Variants in CRACR2B observed in about 807,000 individuals in gnomAD.
CRACR2B encodes EF-hand calcium-binding domain-containing protein 4A.
Under a neutral mutation model 46.0 loss-of-function variants are expected in CRACR2B, and 50 were observed. The ratio of observed to expected loss-of-function variants is 1.09; its 90% CI spans 0.87 to 1.38. CRACR2B has a LOEUF of 1.38. CRACR2B is among the 40% of genes most tolerant of loss of function. CRACR2B has a pLI of 0.00. For synonymous variants in CRACR2B, 277 were observed against 239.6 expected (o/e 1.16, Z -1.44); for missense variants, 667 against 535.0 (o/e 1.25, Z -2.43).
rs758616740 is a variant in CRACR2B at position 828,889 on chromosome 11, T to G, written c.203T>G (p.Leu68Arg). The G allele has an allele frequency of 6.2e-7, 1 of 1,610,030 alleles. No individual in the cohort carries two copies. Among genetic ancestry groups the G allele is most frequent in the Non-Finnish European group, 8.5e-7 (1 of 1,179,898 alleles). Residue 68 changes from leucine (L) to arginine (R), a missense_variant, in exon 2 of 9, where the codon CTG (leucine) becomes CGG (arginine). Leu to Arg is a moderately radical substitution (Grantham distance 102). Transcript: ENST00000525077. ...GACCTGCCCCTCACGCCAGAGCAGC[T>G]GGAGGCTGTGTTTGAAAGTCTGGAC... ...QSDLPLTPEQ[L>R]EAVFESLDRA...
In CRACR2B at chr11:829,979, C is replaced by T. The variant is rs1846256669; in HGVS notation, c.459-7C>T. On this transcript the variant is annotated splice_polypyrimidine_tract_variant and splice_region_variant and intron_variant, in intron 3 of 8. Transcript: ENST00000525077. ...AGCTCCAGCCTCAGTTCCCGCCCGC[C>T]CTCCAGGCAGCGGGCTGTGAGGACG... is the stretch of plus-strand genomic sequence containing the variant. 2 of 1,562,006 alleles carry T rather than the reference C, an allele frequency of 1.3e-6. No individual in the cohort carries two copies. The highest frequency in any genetic ancestry group is 1.2e-5 in the South Asian group (1 of 86,410).
At chr11:827,507 G>C (rs968691998), upstream of CRACR2B, 4 of 982,514 alleles carry the variant, frequency 4.1e-6, no homozygotes, top group Admixed American at 6.1e-5. Flanking sequence ...CAGGAGGCTG[G>C]CCGCCCCACC....
rs1452930121 is a variant in CRACR2B, at chr11:830,251, C to A, written c.607C>A (p.Arg203Ser). ...CCGGGGTCGCCCGGTCCCCCGAAGG[C>A]GCGAGAGCGAGCACGAGAGGGAGGT... Reference protein sequence around the residue: ...RDGLEQALRRRESEHEREVRA... With the variant: ...RDGLEQALRRSESEHEREVRA... Residue 203 changes from arginine (R) to serine (S), a missense_variant and splice_region_variant, in exon 5 of 9, where the codon CGC becomes AGC. Arg to Ser is a moderately radical substitution (Grantham distance 110). Coordinates refer to ENST00000525077, the MANE Select transcript of CRACR2B (RefSeq NM_001286606.2). The A allele has an allele frequency of 3.3e-6, 5 of 1,510,964 alleles. No individual in the cohort carries two copies. In the Admixed American group the frequency reaches 6.2e-5, roughly 19 times the overall value. 93.6% of individuals were successfully genotyped at this position (1,510,964 alleles called of 1,614,324 possible).
Position 831,969 on chromosome 11 carries a change from T to G in CRACR2B, c.*260T>G, listed in dbSNP as rs1846490472. 1 of 487,122 alleles carries G rather than the reference T, an allele frequency of 2.1e-6. No individual in the cohort carries two copies. Among genetic ancestry groups the G allele is most frequent in the African/African-American group, 2.0e-5 (1 of 49,060 alleles). 30.2% of individuals were successfully genotyped at this position (487,122 alleles called of 1,614,324 possible). A position where few individuals can be genotyped will look rare whatever the true frequency, so the allele number is the denominator to read the frequency against. On this transcript the variant is annotated 3_prime_UTR_variant, in exon 9 of 9. Transcript: ENST00000525077. Reference sequence around the variant, plus strand: ...TTCAGCAGAAAACCCCCTCGTCAAATAAAACCCACTGACTGCACTGCGTCC... The same window carrying G: ...TTCAGCAGAAAACCCCCTCGTCAAAGAAAACCCACTGACTGCACTGCGTCC...
rs776097114 is a variant in CRACR2B, at chr11:828,595, G to GC, written c.-8dup. 9.5e-6 allele frequency: 15 copies of GC among 1,574,630 alleles called. No individual in the cohort carries two copies. The African/African-American group carries it at 1.2e-4, about 13-fold the overall frequency. On this transcript the variant is annotated 5_prime_UTR_variant, in exon 1 of 9. Transcript: ENST00000525077. ...CACAGCACCTGAAGGCCAGGCTGAG[G>GC]CCCCCTGCTCTCATGGCCAGCCCTG... is the stretch of plus-strand genomic sequence containing the variant.
Position 828,668 on chromosome 11 carries a change from G to A in CRACR2B, c.61G>A (p.Gly21Arg). 1.2e-6 allele frequency: 2 copies of A among 1,608,906 alleles called. No homozygotes were observed. Among genetic ancestry groups the A allele is most frequent in the Non-Finnish European group, 1.7e-6 (2 of 1,178,600 alleles). Residue 21 changes from glycine to arginine, a missense_variant, in exon 1 of 9, where the codon GGG becomes AGG. Physicochemically the swap from Gly to Arg is moderately radical, Grantham distance 125. Transcript: ENST00000525077. ...EAQEEEGELE[G>R]GSAGPRAAIL... ...CCAGGAGGAGGAGGGGGAACTCGAG[G>A]GGGGCTCTGCAGGGCCGCGGGCTGC...
chr11:831,703 C>T lies in CRACR2B; in HGVS notation c.1194C>T (p.Ala398=). ...PRRGSGHLPS[A]R is the part of the protein sequence containing the mutation. ...GCGGCTCTGGCCACCTTCCCAGTGC[C>T]CGGTGACCAGCCCCGAGTGACTCAC... The change falls in exon 9 of 9, where the codon GCC becomes GCT. Residue 398 remains alanine, a synonymous_variant. Transcript: ENST00000525077. 2 of 1,507,546 alleles carry T rather than the reference C, an allele frequency of 1.3e-6. No individual in the cohort carries two copies. The highest frequency in any genetic ancestry group is 2.5e-5 in the South Asian group (2 of 80,896). 93.4% of individuals were successfully genotyped at this position (1,507,546 alleles called of 1,614,324 possible). A position where few individuals can be genotyped will look rare whatever the true frequency, so the allele number is the denominator to read the frequency against.
At chr11:829,938 G>A (rs1329863549) in intron 3 of CRACR2B, 48 bp from the exon 4 acceptor site, 2 of 1,532,562 alleles carry the variant, frequency 1.3e-6, no homozygotes, top group Non-Finnish European at 8.7e-7. Context: ...AGGGAAGCCT[G>A]CTTCCCGCTT....
chr11:829,746 A>C (rs1846234313), intron 3 of CRACR2B: 3 of 995,094 alleles, frequency 3.0e-6, no homozygotes, highest in Non-Finnish European at 4.3e-6. Flanking sequence ...CCAGGGCTGC[A>C]GGGAGGAGGG....
chr11:826,915 C>T (rs1055779301), upstream of CRACR2B, among the ~76,000 whole-genome samples: 7 of 152,384 alleles, frequency 4.6e-5, no homozygotes, highest in East Asian at 1.9e-4. Flanking sequence ...GTTTCCTGCC[C>T]GGCTTTTTCC....
In CRACR2B at chr11:831,103, G is replaced by A. The variant is rs1211990525; in HGVS notation, c.953+71G>A. 6 of 1,557,504 alleles carry A rather than the reference G, an allele frequency of 3.9e-6. No individual in the cohort carries two copies. In the East Asian group the frequency reaches 1.2e-4, roughly 32 times the overall value. On this transcript the variant is annotated intron_variant, in intron 7 of 8. Coordinates refer to ENST00000525077, the MANE Select transcript of CRACR2B (RefSeq NM_001286606.2). ...GCGGGGCCGACGGGCGCTCAGGTCT[G>A]GGCCACTTTCATCCCCATCTCAAGT...
Position 830,147 on chromosome 11 carries a change from G to A in CRACR2B, c.605+15G>A. ...GCGCTGCGGAGGTGAGGGCCGGGGT[G>A]GGGTATGGGGGCCAATGGAGGGCCT... On this transcript the variant is annotated intron_variant, in intron 4 of 8. Coordinates refer to ENST00000525077, the MANE Select transcript of CRACR2B (RefSeq NM_001286606.2). The A allele has an allele frequency of 6.6e-7, 1 of 1,522,786 alleles. No homozygotes were observed. Among genetic ancestry groups the A allele is most frequent in the Non-Finnish European group, 8.8e-7 (1 of 1,139,954 alleles). 94.3% of individuals were successfully genotyped at this position (1,522,786 alleles called of 1,614,324 possible). A position where few individuals can be genotyped will look rare whatever the true frequency, so the allele number is the denominator to read the frequency against.
chr11:830,036 A>T lies in CRACR2B; in HGVS notation c.509A>T (p.Glu170Val). 1 of 1,569,024 alleles carries T rather than the reference A, an allele frequency of 6.4e-7. No homozygotes were observed. The highest frequency in any genetic ancestry group is 8.6e-7 in the Non-Finnish European group (1 of 1,163,242). The change falls in exon 4 of 9, where the codon GAG becomes GTG. Residue 170 changes from glutamate (E) to valine (V), a missense_variant. Transcript: ENST00000525077. ...LWARLQRERP[E>V]LLGSFEDVLI... is the part of the protein sequence containing the mutation. ...GCCAGGCTGCAGCGCGAGCGCCCCG[A>T]GCTGCTGGGCTCTTTCGAGGATGTT...
chr11:830,444 G>T (rs745819089), intron 5 of CRACR2B, 107 bp downstream of exon 5: 70 of 1,536,310 alleles, frequency 4.6e-5, no homozygotes, highest in Non-Finnish European at 5.8e-5. Context: ...CACCTCCGCG[G>T]GTCCAGGCTG....
Position 829,429 on chromosome 11 carries a change from CGG to C in CRACR2B, c.349_350del (p.Gly117ArgfsTer13). On this transcript the variant is annotated frameshift_variant, in exon 3 of 9. Coordinates refer to ENST00000525077, the MANE Select transcript of CRACR2B (RefSeq NM_001286606.2). LOFTEE classifies it high-confidence loss of function. Reference sequence around the variant, plus strand: ...AGGACTCCCGAGGAGACCTTTGAGTCGGGCGGGCTCGACGTGCAGGGCACGGC... The same window carrying C: ...AGGACTCCCGAGGAGACCTTTGAGTCGCGGGCTCGACGTGCAGGGCACGGC... 8 of 1,610,088 alleles carry C rather than the reference CGG, an allele frequency of 5.0e-6. No homozygotes were observed. The highest frequency in any genetic ancestry group is 6.8e-6 in the Non-Finnish European group (8 of 1,179,020).
chr11:830,439 C>T, intron 5 of CRACR2B, 102 bp downstream of exon 5: 2 of 1,536,384 alleles, frequency 1.3e-6, no homozygotes, highest in African/African-American at 1.4e-5. Context: ...GGCCCCACCT[C>T]CGCGGGTCCA....
rs1846271743 is a variant in CRACR2B, at chr11:830,103, GC to G, written c.577del (p.Arg193AlafsTer71). The G allele has an allele frequency of 6.5e-7, 1 of 1,540,318 alleles. No homozygotes were observed. On this transcript the variant is annotated frameshift_variant, in exon 4 of 9. Transcript: ENST00000525077. LOFTEE classifies it high-confidence loss of function. The stretch of plus-strand genomic sequence containing the variant: ...CCTGCCTGGAGGAGGCGGCCCGGGA[GC>G]GCGACGGCCTGGAGCAGGCGCTGCG... ...SACLEEAARE[R>X]DGLEQALRRR...
At chr11:830,780 C>G (rs959337897) in intron 6 of CRACR2B, 67 bp downstream of exon 6, 1 of 1,482,292 alleles carries the variant, frequency 6.7e-7, no homozygotes, top group Admixed American at 2.2e-5. Flanking sequence ...CCTTAGCGTC[C>G]CCGGGTTGTC....
In CRACR2B at chr11:828,026, G is replaced by A. The variant is rs1258061711; in HGVS notation, c.-582G>A. 6.6e-6 allele frequency among the ~76,000 whole-genome samples: 1 copy of A among 152,156 alleles called. No homozygotes were observed. Among genetic ancestry groups the A allele is most frequent in the Non-Finnish European group, 1.5e-5 (1 of 68,008 alleles). On this transcript the variant is annotated 5_prime_UTR_variant, in exon 1 of 9. Coordinates refer to ENST00000525077, the MANE Select transcript of CRACR2B (RefSeq NM_001286606.2). ...GGGACCTTGCCCCTGCACTCTGTGGGCTCAGTTGTGGGGAGGGAGGGGCCG... is the reference window on the plus strand; with the variant it reads ...GGGACCTTGCCCCTGCACTCTGTGGACTCAGTTGTGGGGAGGGAGGGGCCG...
Sources: gnomAD v4.1 joint callset for allele counts (sites outside exome capture counted in the v4.1 genomes callset) on GRCh38, gnomAD v4.1.1 for gene constraint, MANE v1.5 for transcripts, NCBI Gene and HGNC (gene_info 2026-07-23, HGNC 2026-07-21) for gene names.